The following FHIT variants were observed in gnomAD, a reference collection of about 807,000 sequenced individuals.
The protein encoded by FHIT is fragile histidine triad diadenosine triphosphatase, also known as bis(5'-adenosyl)-triphosphatase.
Under a neutral mutation model 17.9 loss-of-function variants are expected in FHIT, and 19 were observed. The observed-to-expected ratio is 1.06, with a 90% CI of 0.74 to 1.56. The LOEUF (loss-of-function observed/expected upper bound fraction) is 1.56, where lower values mean the gene tolerates loss of function less well. FHIT is among the 40% of genes most tolerant of loss of function. The pLI is 0.00. For synonymous variants in FHIT, 81 were observed against 69.7 expected (o/e 1.16, Z -0.81); for missense variants, 248 against 189.2 (o/e 1.31, Z -1.82).
chr3:60,438,867 C>T (rs1224925610), intron 5 of FHIT, among the ~76,000 whole-genome samples: 1 of 152,116 alleles, frequency 6.6e-6, no homozygotes, highest in Non-Finnish European at 1.5e-5. Flanking sequence ...ACTGTACAAT[C>T]TAGTTCCATC....
At chr3:61,117,332 G>A (rs893226843) in intron 2 of FHIT, among the ~76,000 whole-genome samples, 5 of 152,056 alleles carry the variant, frequency 3.3e-5, no homozygotes, top group Admixed American at 1.3e-4. Flanking sequence ...AATGTACCAC[G>A]GAATAGAAAA....
intron 7 of FHIT, among the ~76,000 whole-genome samples, chr3:59,986,186 C>A (rs950308896): frequency 5.3e-5 from 8 of 151,884 alleles, no homozygotes; most frequent in Non-Finnish European, 1.0e-4. Flanking sequence ...AAAACTCAGA[C>A]AGACTCATTC....
rs183553027 is a variant in FHIT at position 59,786,348 on chromosome 3, G to C, written c.349-34027C>G. 4.6e-5 allele frequency among the ~76,000 whole-genome samples: 7 copies of C among 152,300 alleles called. No individual in the cohort carries two copies. In the East Asian group the frequency reaches 1.4e-3, roughly 29 times the overall value. The stretch of plus-strand genomic sequence containing the variant: ...ACAGAAGCTGGCAAGACATGGGCTT[G>C]CTTGTCCCTCCTCTTTCTTTCTACC... On this transcript the variant is annotated intron_variant, in intron 8 of 9. Coordinates refer to ENST00000492590, the MANE Select transcript of FHIT (RefSeq NM_002012.4).
chr3:61,012,921 TATAG>T (rs1204493703), intron 3 of FHIT, among the ~76,000 whole-genome samples: 4 of 151,894 alleles, frequency 2.6e-5, no homozygotes, highest in African/African-American at 9.7e-5. Context: ...AAATATGACT[TATAG>T]AGAAAGGAAT....
chr3:60,149,819 A>G (rs182198887), intron 5 of FHIT, among the ~76,000 whole-genome samples: 22 of 124,114 alleles, frequency 1.8e-4, no homozygotes, highest in African/African-American at 6.2e-4. Context: ...TTGCTGTGGG[A>G]TAGACACATG....
intron 5 of FHIT, among the ~76,000 whole-genome samples, chr3:60,275,770 A>G (rs213350): frequency 0.18 from 27,937 of 152,114 alleles, 2,746 homozygotes; most frequent in South Asian, 0.35. Flanking sequence ...TCAGTTACTA[A>G]AACTAAACTG....
rs535273151 is a variant in FHIT, at chr3:60,331,642, T to A, written c.103+205218A>T. On this transcript the variant is annotated intron_variant, in intron 5 of 9. Transcript: ENST00000492590. The stretch of plus-strand genomic sequence containing the variant: ...TGGGTGGATCACCTGAGGTCAGGAA[T>A]TCAAGACCAGCCTGACCAACATGGA... 1.2e-4 allele frequency among the ~76,000 whole-genome samples: 19 copies of A among 152,098 alleles called. No homozygotes were observed. The South Asian group carries it at 3.9e-3, about 32-fold the overall frequency.
chr3:61,074,840 T>C (rs2034921494), intron 2 of FHIT, among the ~76,000 whole-genome samples: 1 of 152,170 alleles, frequency 6.6e-6, no homozygotes, highest in African/African-American at 2.4e-5. Flanking sequence ...AAATAATTTC[T>C]TACTTAACCC....
At chr3:59,908,948 A>G (rs1704729172) in intron 8 of FHIT, among the ~76,000 whole-genome samples, 1 of 151,864 alleles carries the variant, frequency 6.6e-6, no homozygotes, top group Admixed American at 6.6e-5. Flanking sequence ...TTGAGAAGAA[A>G]CTGGAGACAA....
At chr3:59,816,533 G>T (rs1028291448) in intron 8 of FHIT, among the ~76,000 whole-genome samples, 16 of 152,254 alleles carry the variant, frequency 1.1e-4, no homozygotes, top group Non-Finnish European at 2.4e-4. Flanking sequence ...CATTACTAGT[G>T]GGAATGAGAG....
At chr3:61,092,236 C>T (rs917328057) in intron 2 of FHIT, among the ~76,000 whole-genome samples, 6 of 151,898 alleles carry the variant, frequency 4.0e-5, no homozygotes, top group Non-Finnish European at 1.5e-5. Context: ...AGGCTATTCC[C>T]CAAGGGAAAA....
At chr3:60,302,019 T>C (rs757423614) in intron 5 of FHIT, among the ~76,000 whole-genome samples, 1 of 152,116 alleles carries the variant, frequency 6.6e-6, no homozygotes, top group Non-Finnish European at 1.5e-5. Context: ...ATATTTAAAG[T>C]GGTTATGATT....
intron 7 of FHIT, among the ~76,000 whole-genome samples, chr3:59,967,923 T>C (rs1408595903): frequency 6.6e-6 from 1 of 150,998 alleles, no homozygotes; most frequent in African/African-American, 2.4e-5. Flanking sequence ...AAATGGAAAA[T>C]GAAGGAATTA....
chr3:60,459,015 C>CA (rs1360794022), intron 5 of FHIT, among the ~76,000 whole-genome samples: 1 of 152,032 alleles, frequency 6.6e-6, no homozygotes, highest in Non-Finnish European at 1.5e-5. Context: ...CTCCTGGGCT[C>CA]AAGCGATCCT....
chr3:60,490,985 T>A (rs1353446509), intron 5 of FHIT, among the ~76,000 whole-genome samples: 2 of 152,200 alleles, frequency 1.3e-5, no homozygotes, highest in Middle Eastern at 3.4e-3. Context: ...AATTGCAAAA[T>A]AAAAGTATGA....
chr3:60,814,476 G>A (rs1419661664), intron 4 of FHIT, among the ~76,000 whole-genome samples: 1 of 152,094 alleles, frequency 6.6e-6, no homozygotes, highest in Non-Finnish European at 1.5e-5. Context: ...TTCTGTTCCT[G>A]CATTAAATTG....
chr3:60,619,517 C>T (rs1214527412), intron 4 of FHIT, among the ~76,000 whole-genome samples: 1 of 148,020 alleles, frequency 6.8e-6, no homozygotes, highest in Admixed American at 6.8e-5. Flanking sequence ...TGGCAAAAGC[C>T]ACCAAATACA....
intron 5 of FHIT, among the ~76,000 whole-genome samples, chr3:60,298,265 C>G (rs1559799427): frequency 6.6e-6 from 1 of 152,048 alleles, no homozygotes; most frequent in African/African-American, 2.4e-5. Context: ...TCTCCCCTCC[C>G]TAGAGTCAGG....
At chr3:59,754,752 A>T (rs945727224) in intron 8 of FHIT, among the ~76,000 whole-genome samples, 11 of 152,226 alleles carry the variant, frequency 7.2e-5, no homozygotes, top group African/African-American at 2.4e-4. Flanking sequence ...CCTTAGAAGA[A>T]GTTTTTGGGA....
Sources: gnomAD v4.1 joint callset for allele counts (sites outside exome capture counted in the v4.1 genomes callset) on GRCh38, gnomAD v4.1.1 for gene constraint, MANE v1.5 for transcripts, NCBI Gene and HGNC (gene_info 2026-07-23, HGNC 2026-07-21) for gene names.